The following PSPH variants were observed in gnomAD, a reference collection of about 807,000 sequenced individuals.
The protein encoded by PSPH is L-3-phosphoserine phosphatase.
Under a neutral mutation model 23.4 loss-of-function variants are expected in PSPH, and 16 were observed. The observed-to-expected ratio is 0.68, with a 90% CI of 0.46 to 1.04. PSPH has a LOEUF of 1.04. Ranked by LOEUF, PSPH falls within the 50% of genes least tolerant of loss-of-function variation. The probability of loss-of-function intolerance (pLI) is 0.00; values close to 1 mark genes in which losing one functional copy is unlikely to be tolerated. For synonymous variants in PSPH, 68 were observed against 99.7 expected (o/e 0.68, Z 1.89); for missense variants, 223 against 273.7 (o/e 0.81, Z 1.31).
chr7:56,043,819 C>G (rs1342200827), intron 1 of PSPH, among the ~76,000 whole-genome samples: 3 of 152,126 alleles, frequency 2.0e-5, no homozygotes, highest in Non-Finnish European at 2.9e-5. Flanking sequence ...CAGAGCAAGA[C>G]CCTGTCTCAA....
intron 2 of PSPH, chr7:56,033,360 G>C (rs1391326125): frequency 1.3e-5 from 2 of 151,314 alleles, no homozygotes; most frequent in Non-Finnish European, 2.9e-5. Flanking sequence ...TAAAAAATTA[G>C]TTAGGCATGA....
chr7:56,035,092 G>A (rs1334735535), intron 1 of PSPH, among the ~76,000 whole-genome samples: 1 of 152,074 alleles, frequency 6.6e-6, no homozygotes, highest in Non-Finnish European at 1.5e-5. Flanking sequence ...TGTAATCCCA[G>A]CACTTTGGGA....
chr7:56,038,522 G>T (rs1792044459), intron 1 of PSPH, among the ~76,000 whole-genome samples: 1 of 151,816 alleles, frequency 6.6e-6, no homozygotes, highest in South Asian at 2.1e-4. Flanking sequence ...TCCCACCTGA[G>T]GAAGACACTC....
intron 7 of PSPH, among the ~76,000 whole-genome samples, chr7:56,013,151 G>T (rs924758171): frequency 1.2e-5 from 1 of 84,388 alleles, no homozygotes; most frequent in South Asian, 3.8e-4. Context: ...ATATGTGTAT[G>T]TGTATACACA....
At chr7:56,038,425 C>G (rs1463020301) in intron 1 of PSPH, among the ~76,000 whole-genome samples, 1 of 152,008 alleles carries the variant, frequency 6.6e-6, no homozygotes, top group South Asian at 2.1e-4. Flanking sequence ...CGCCACTGCA[C>G]TCTAGCCTGG....
chr7:56,050,087 T>A (rs1793810445), intron 1 of PSPH, among the ~76,000 whole-genome samples: 1 of 152,156 alleles, frequency 6.6e-6, no homozygotes. Context: ...GCACACCGTG[T>A]AATGCCTATG....
At chr7:56,020,593 C>A (rs1789230682) in intron 4 of PSPH, among the ~76,000 whole-genome samples, 1 of 139,862 alleles carries the variant, frequency 7.1e-6, no homozygotes, top group Non-Finnish European at 1.5e-5. Context: ...TCACTGCACT[C>A]CAGCCTGGGT....
At chr7:56,014,060 C>T (rs973829271) in intron 7 of PSPH, among the ~76,000 whole-genome samples, 1 of 151,458 alleles carries the variant, frequency 6.6e-6, no homozygotes, top group African/African-American at 2.4e-5. Context: ...GCCCAGAGGG[C>T]GGAGGTTGCA....
intron 1 of PSPH, among the ~76,000 whole-genome samples, chr7:56,041,195 C>T (rs149295360): frequency 0.01 from 1,501 of 149,378 alleles, 18 homozygotes; most frequent in African/African-American, 0.034. Flanking sequence ...AAGACTCTAT[C>T]TCTCTCTCTC....
intron 3 of PSPH, among the ~76,000 whole-genome samples, chr7:56,028,234 C>T (rs28478753): frequency 0.031 from 4,705 of 151,970 alleles, 240 homozygotes; most frequent in African/African-American, 0.11. Context: ...ATATTTTTGG[C>T]TTTTTTTAGA....
intron 1 of PSPH, among the ~76,000 whole-genome samples, chr7:56,034,645 A>G (rs1791486052): frequency 6.6e-6 from 1 of 152,054 alleles, no homozygotes; most frequent in African/African-American, 2.4e-5. Context: ...CCACCCAAGT[A>G]GCCGGGACTA....
chr7:56,041,081 T>C (rs1170801585), intron 1 of PSPH, among the ~76,000 whole-genome samples: 2 of 152,116 alleles, frequency 1.3e-5, no homozygotes, highest in Non-Finnish European at 2.9e-5. Flanking sequence ...ACATTCTGTT[T>C]TGGCCAGCAC....
intron 5 of PSPH, among the ~76,000 whole-genome samples, 166 bp from the exon 6 acceptor site, chr7:56,017,545 G>T: frequency 6.6e-6 from 1 of 151,148 alleles, no homozygotes; most frequent in Non-Finnish European, 1.5e-5. Flanking sequence ...TTTTATATAT[G>T]TTTTTCTTTT....
chr7:56,014,974 A>G (rs748495522), intron 7 of PSPH, 49 bp downstream of exon 7: 1 of 1,514,792 alleles, frequency 6.6e-7, no homozygotes, highest in Non-Finnish European at 8.9e-7. Context: ...AAATAAATAA[A>G]TAAAACAAAA....
chr7:56,029,666 C>T (rs1790674180), intron 3 of PSPH, among the ~76,000 whole-genome samples: 1 of 152,110 alleles, frequency 6.6e-6, no homozygotes, highest in Admixed American at 6.6e-5. Context: ...CTGTATCTTT[C>T]AAGAGGCTTC....
chr7:56,044,047 C>T (rs535420082), intron 1 of PSPH, among the ~76,000 whole-genome samples: 52 of 152,130 alleles, frequency 3.4e-4, no homozygotes, highest in Admixed American at 1.5e-3. Context: ...ACTGTCGCCT[C>T]GTAGGTTCAA....
chr7:56,034,495 C>T (rs1045198918), intron 1 of PSPH, among the ~76,000 whole-genome samples: 1 of 152,130 alleles, frequency 6.6e-6, no homozygotes, highest in African/African-American at 2.4e-5. Context: ...GTGTAGGTCC[C>T]AAAAGAACTT....
intron 6 of PSPH, among the ~76,000 whole-genome samples, chr7:56,015,771 G>A (rs899685660): frequency 3.9e-5 from 6 of 152,160 alleles, no homozygotes; most frequent in African/African-American, 9.6e-5. Flanking sequence ...CCATTCTCGT[G>A]TCTCAGCCTC....
At chr7:56,020,828 C>A (rs533860445) in intron 4 of PSPH, among the ~76,000 whole-genome samples, 1 of 152,292 alleles carries the variant, frequency 6.6e-6, no homozygotes, top group East Asian at 1.9e-4. Flanking sequence ...GGACCTCGCC[C>A]CCCAGGCCAT....
Sources: allele counts gnomAD v4.1 joint callset (sites outside exome capture counted in the v4.1 genomes callset), GRCh38; gene constraint gnomAD v4.1.1; transcripts MANE v1.5; gene names NCBI Gene and HGNC (gene_info 2026-07-23, HGNC 2026-07-21).